LRFN5: variants seen among roughly 807,000 people sequenced by gnomAD.
LRFN5 encodes the protein leucine-rich repeat and fibronectin type-III domain-containing protein 5.
LRFN5 carries 24 observed loss-of-function variants against 45.6 expected under a neutral mutation model. That is an observed-to-expected ratio of 0.53 (90% CI 0.38 to 0.74). The LOEUF (loss-of-function observed/expected upper bound fraction) is 0.74, where lower values mean the gene tolerates loss of function less well. LRFN5 is among the 30% of genes least tolerant of loss of function. The pLI, the probability that LRFN5 is intolerant of heterozygous loss-of-function variation, is 0.00. For synonymous variants in LRFN5, 340 were observed against 313.8 expected (o/e 1.08, Z -0.88); for missense variants, 776 against 861.5 (o/e 0.90, Z 1.24).
intron 1 of LRFN5, among the ~76,000 whole-genome samples, chr14:41,677,139 A>G (rs1402712927): frequency 6.6e-6 from 1 of 152,182 alleles, no homozygotes; most frequent in African/African-American, 2.4e-5. Flanking sequence ...GGGAAAAACA[A>G]GGGGAAAAAA....
Position 41,886,910 on chromosome 14 carries a change from C to T in LRFN5, c.285C>T (p.Phe95=), listed in dbSNP as rs763176801. The T allele has an allele frequency of 6.1e-5, 99 of 1,614,070 alleles. No homozygotes were observed. The East Asian group carries it at 1.8e-3, about 30-fold the overall frequency. The change falls in exon 3 of 6, where the codon TTC becomes TTT. Residue 95 remains phenylalanine (F), a synonymous_variant. Transcript: ENST00000298119. ...NTISFITPHA[F]ADLRNLRALH... ...TAAGTTTTATTACACCTCATGCTTT[C>T]GCTGACCTACGAAATTTGAGGGCTT...
At chr14:41,844,656 A>G (rs2139062230) in intron 2 of LRFN5, among the ~76,000 whole-genome samples, 1 of 152,248 alleles carries the variant, frequency 6.6e-6, no homozygotes, top group Non-Finnish European at 1.5e-5. Context: ...CTCTCTGGAA[A>G]AAGTAAAGCC....
At chr14:41,644,016 A>G (rs1490228348) in intron 1 of LRFN5, among the ~76,000 whole-genome samples, 3 of 152,228 alleles carry the variant, frequency 2.0e-5, no homozygotes, top group Non-Finnish European at 2.9e-5. Flanking sequence ...TAATATAAAA[A>G]TAAACTACTG....
chr14:41,799,700 T>C (rs1393997254), intron 2 of LRFN5, among the ~76,000 whole-genome samples: 3 of 152,044 alleles, frequency 2.0e-5, no homozygotes, highest in Non-Finnish European at 2.9e-5. Flanking sequence ...TGATTTACTG[T>C]CAGTTTTATG....
intron 2 of LRFN5, among the ~76,000 whole-genome samples, chr14:41,845,721 T>G (rs768929097): frequency 6.6e-6 from 1 of 152,110 alleles, no homozygotes; most frequent in African/African-American, 2.4e-5. Context: ...TTTCATTAGT[T>G]GTCAACAAAA....
intron 2 of LRFN5, among the ~76,000 whole-genome samples, chr14:41,833,267 A>T (rs531450077): frequency 6.6e-6 from 1 of 152,326 alleles, no homozygotes; most frequent in Admixed American, 6.5e-5. Flanking sequence ...CCGCAGGAAA[A>T]GTCAGCTTAT....
At chr14:41,746,580 C>T (rs1884928753) in intron 1 of LRFN5, among the ~76,000 whole-genome samples, 1 of 151,920 alleles carries the variant, frequency 6.6e-6, no homozygotes, top group African/African-American at 2.4e-5. Context: ...TGATGTTGAA[C>T]ACCTTTTCCT....
intron 2 of LRFN5, among the ~76,000 whole-genome samples, chr14:41,834,104 A>G (rs551754361): frequency 1.5e-4 from 23 of 152,306 alleles, no homozygotes; most frequent in African/African-American, 5.5e-4. Flanking sequence ...TTCCAGATCT[A>G]CATTGTGAGC....
At chr14:41,706,573 T>C (rs1329263641) in intron 1 of LRFN5, among the ~76,000 whole-genome samples, 1 of 152,188 alleles carries the variant, frequency 6.6e-6, no homozygotes, top group Non-Finnish European at 1.5e-5. Context: ...CCTTTATTCA[T>C]ATGTGAGTAT....
At chr14:41,667,432 C>T (rs1169580450) in intron 1 of LRFN5, among the ~76,000 whole-genome samples, 24 of 152,164 alleles carry the variant, frequency 1.6e-4, no homozygotes, top group Non-Finnish European at 2.5e-4. Flanking sequence ...ATATCTAGCA[C>T]TTGAAATGTG....
At chr14:41,615,211 C>A (rs1189132135) in intron 1 of LRFN5, among the ~76,000 whole-genome samples, 1 of 151,950 alleles carries the variant, frequency 6.6e-6, no homozygotes, top group Non-Finnish European at 1.5e-5. Flanking sequence ...TTAGTGATTC[C>A]CAAATCACTC....
intron 1 of LRFN5, among the ~76,000 whole-genome samples, chr14:41,672,085 G>A (rs1383606117): frequency 6.6e-6 from 1 of 152,060 alleles, no homozygotes; most frequent in East Asian, 1.9e-4. Context: ...GGTGCCTTAG[G>A]GCACATATTC....
At chr14:41,748,765 G>A (rs1885018663) in intron 1 of LRFN5, among the ~76,000 whole-genome samples, 1 of 151,954 alleles carries the variant, frequency 6.6e-6, no homozygotes, top group Admixed American at 6.6e-5. Context: ...GCTTTTAATG[G>A]TACACTAGAA....
chr14:41,787,822 C>G (rs372590922), intron 2 of LRFN5, among the ~76,000 whole-genome samples: 298 of 151,602 alleles, frequency 2.0e-3, no homozygotes, highest in African/African-American at 7.0e-3. Context: ...ATGTTTGTGT[C>G]TCCTCCAAAC....
At chr14:41,812,482 T>A (rs1294255854) in intron 2 of LRFN5, among the ~76,000 whole-genome samples, 3 of 151,896 alleles carry the variant, frequency 2.0e-5, no homozygotes, top group Non-Finnish European at 4.4e-5. Flanking sequence ...GATTCCTTAG[T>A]ACCTTCTTAG....
chr14:41,644,854 A>G (rs927405757), intron 1 of LRFN5, among the ~76,000 whole-genome samples: 3 of 152,244 alleles, frequency 2.0e-5, no homozygotes, highest in Non-Finnish European at 2.9e-5. Flanking sequence ...TGCAAAGAAC[A>G]CAAGATCAGA....
chr14:41,802,221 A>G (rs1229638106), intron 2 of LRFN5, among the ~76,000 whole-genome samples: 1 of 152,156 alleles, frequency 6.6e-6, no homozygotes, highest in Non-Finnish European at 1.5e-5. Context: ...AAACCTAAGT[A>G]TAGATGTGGG....
chr14:41,812,263 GTCT>G (rs1887762512), intron 2 of LRFN5, among the ~76,000 whole-genome samples: 1 of 151,692 alleles, frequency 6.6e-6, no homozygotes, highest in Admixed American at 6.6e-5. Flanking sequence ...ATCAAAACAG[GTCT>G]TCATTTTTTA....
In LRFN5 at chr14:41,904,311, G is replaced by A; in HGVS notation, c.*136G>A. ...AGAAGAAATTGTCTACAGGAGCCAA[G>A]GTGAAAGTCTCTGATGACGGCGGAA... On this transcript the variant is annotated 3_prime_UTR_variant, in exon 6 of 6. Coordinates refer to ENST00000298119, the MANE Select transcript of LRFN5 (RefSeq NM_152447.5). 1.9e-6 allele frequency: 2 copies of A among 1,075,262 alleles called. No homozygotes were observed. Among genetic ancestry groups the A allele is most frequent in the Middle Eastern group, 2.1e-4 (1 of 4,734 alleles). 66.6% of individuals were successfully genotyped at this position (1,075,262 alleles called of 1,614,324 possible). A position where few individuals can be genotyped will look rare whatever the true frequency, so the allele number is the denominator to read the frequency against.
Sources: allele counts gnomAD v4.1 joint callset (sites outside exome capture counted in the v4.1 genomes callset), GRCh38; gene constraint gnomAD v4.1.1; transcripts MANE v1.5; gene names NCBI Gene and HGNC (gene_info 2026-07-23, HGNC 2026-07-21).